CLYBL: variants seen among roughly 807,000 people sequenced by gnomAD.
The protein encoded by CLYBL is citramalyl-CoA lyase, mitochondrial.
In CLYBL, 31 loss-of-function variants were observed where a neutral mutation model predicts 38.9. The observed-to-expected ratio is 0.80, with a 90% confidence interval of 0.60 to 1.08. The LOEUF is 1.08. CLYBL is among the 50% of genes least tolerant of loss of function. CLYBL has a pLI of 0.00. For synonymous variants in CLYBL, 171 were observed against 158.6 expected (o/e 1.08, Z -0.59); for missense variants, 434 against 411.6 (o/e 1.05, Z -0.47).
chr13:99,797,368 C>T (rs944133865), intron 2 of CLYBL, among the ~76,000 whole-genome samples: 2 of 152,134 alleles, frequency 1.3e-5, no homozygotes, highest in African/African-American at 4.8e-5. Flanking sequence ...TAACTCTGAA[C>T]TGTCTCTTTT....
rs1319786309 is a variant in CLYBL, at chr13:99,858,962, A to G, written c.351A>G (p.Glu117=). 1.2e-6 allele frequency: 2 copies of G among 1,614,096 alleles called. No homozygotes were observed. The highest frequency in any genetic ancestry group is 1.7e-6 in the Non-Finnish European group (2 of 1,179,962). The change falls in exon 3 of 9, where the codon GAA becomes GAG. Residue 117 remains glutamate (E), a synonymous_variant. Coordinates refer to ENST00000339105, the MANE Select transcript of CLYBL (RefSeq NM_206808.5). ...ACTCAGTTTCCAGTGGTCTGGCGGA[A>G]GAAGACCTAGAGACCCTTTTGCAAT... The part of the protein sequence containing the change: ...RVNSVSSGLA[E]EDLETLLQSR...
At chr13:99,755,350 T>C (rs546923236) in intron 1 of CLYBL, among the ~76,000 whole-genome samples, 1 of 152,282 alleles carries the variant, frequency 6.6e-6, no homozygotes, top group Non-Finnish European at 1.5e-5. Flanking sequence ...TGGCCCTTGG[T>C]GACTGGTCTC....
At chr13:99,610,075 A>T (rs1420478536) in intron 1 of CLYBL, among the ~76,000 whole-genome samples, 2 of 152,062 alleles carry the variant, frequency 1.3e-5, no homozygotes, top group Non-Finnish European at 2.9e-5. Flanking sequence ...GCTAATTTTT[A>T]AATTTTTTGA....
At chr13:99,634,609 T>A (rs558364412) in intron 1 of CLYBL, among the ~76,000 whole-genome samples, 1 of 152,346 alleles carries the variant, frequency 6.6e-6, no homozygotes, top group South Asian at 2.1e-4. Context: ...ACTAAATTAT[T>A]ATTTTGTGCT....
intron 2 of CLYBL, among the ~76,000 whole-genome samples, chr13:99,818,446 AACACACACACACACACACAC>A (rs57249330): frequency 7.0e-6 from 1 of 143,220 alleles, no homozygotes. Flanking sequence ...TGGAGCAGAA[AACACACACACACACACACAC>A]ACACACACAC....
At chr13:99,691,593 A>G (rs1034277046) in intron 1 of CLYBL, among the ~76,000 whole-genome samples, 1 of 151,842 alleles carries the variant, frequency 6.6e-6, no homozygotes, top group Admixed American at 6.6e-5. Context: ...ACCTAAAAAA[A>G]AAACCAAAAA....
intron 1 of CLYBL, among the ~76,000 whole-genome samples, chr13:99,742,122 C>A (rs1357738000): frequency 6.6e-6 from 1 of 152,190 alleles, no homozygotes; most frequent in Non-Finnish European, 1.5e-5. Context: ...ATTACATTTG[C>A]CACTAATTTG....
chr13:99,614,215 C>A (rs770111796), intron 1 of CLYBL, among the ~76,000 whole-genome samples: 1 of 152,108 alleles, frequency 6.6e-6, no homozygotes, highest in Non-Finnish European at 1.5e-5. Context: ...AGATGGTAGA[C>A]CACAGGTTCA....
At chr13:99,894,300 G>C (rs1346998572), downstream of CLYBL, 1 of 152,272 alleles carries the variant, frequency 6.6e-6, no homozygotes, top group Non-Finnish European at 1.5e-5. Context: ...CCCCCGACAC[G>C]GGGAAGTGAG....
At chr13:99,905,056 G>A (rs2052681711) in intron 8 of CLYBL, among the ~76,000 whole-genome samples, 1 of 151,786 alleles carries the variant, frequency 6.6e-6, no homozygotes, top group South Asian at 2.1e-4. Flanking sequence ...CCTGCTCACA[G>A]GTCTCAGAGG....
At chr13:99,783,196 C>A (rs548798400) in intron 2 of CLYBL, among the ~76,000 whole-genome samples, 1 of 151,908 alleles carries the variant, frequency 6.6e-6, no homozygotes, top group South Asian at 2.1e-4. Context: ...GCATGCACCA[C>A]CACGCCCAGC....
intron 9 of CLYBL, among the ~76,000 whole-genome samples, chr13:99,907,441 C>A (rs78987405): frequency 0.05 from 7,556 of 151,608 alleles, 261 homozygotes; most frequent in Admixed American, 0.095. Context: ...GAAATCACAA[C>A]ACTGGAAAAA....
intron 2 of CLYBL, among the ~76,000 whole-genome samples, chr13:99,790,045 G>T (rs1278178025): frequency 6.6e-6 from 1 of 151,762 alleles, no homozygotes. Flanking sequence ...TTTTCCATTT[G>T]CTTGGTAGAT....
chr13:99,664,654 C>A (rs921508800), intron 1 of CLYBL, among the ~76,000 whole-genome samples: 1 of 152,162 alleles, frequency 6.6e-6, no homozygotes. Flanking sequence ...ACATTCATAA[C>A]GTGCGACGTA....
chr13:99,850,343 G>A (rs1432958118), intron 2 of CLYBL, among the ~76,000 whole-genome samples: 1 of 152,160 alleles, frequency 6.6e-6, no homozygotes, highest in Non-Finnish European at 1.5e-5. Context: ...TTAAAAGTGG[G>A]CAAGGGACTT....
At chr13:99,647,349 G>A (rs1388068694) in intron 1 of CLYBL, among the ~76,000 whole-genome samples, 1 of 152,060 alleles carries the variant, frequency 6.6e-6, no homozygotes, top group Non-Finnish European at 1.5e-5. Context: ...ACCTTCTTAG[G>A]GAAGGCTCCC....
chr13:99,676,282 C>T (rs2047649866), intron 1 of CLYBL, among the ~76,000 whole-genome samples: 1 of 151,084 alleles, frequency 6.6e-6, no homozygotes, highest in Non-Finnish European at 1.5e-5. Flanking sequence ...TTCTCTCTCT[C>T]TTTCTTCCCT....
downstream of CLYBL, among the ~76,000 whole-genome samples, chr13:99,897,313 C>T (rs972037485): frequency 4.6e-5 from 7 of 152,206 alleles, no homozygotes; most frequent in Admixed American, 4.6e-4. Context: ...GAGACACACT[C>T]CATCCTGGCC....
At chr13:99,720,755 T>C (rs1407418026) in intron 1 of CLYBL, among the ~76,000 whole-genome samples, 1 of 152,218 alleles carries the variant, frequency 6.6e-6, no homozygotes, top group African/African-American at 2.4e-5. Flanking sequence ...TTTTCATGGG[T>C]AATCTGTCTT....
Sources: allele counts gnomAD v4.1 joint callset (sites outside exome capture counted in the v4.1 genomes callset), GRCh38; gene constraint gnomAD v4.1.1; transcripts MANE v1.5; gene names NCBI Gene and HGNC (gene_info 2026-07-23, HGNC 2026-07-21).